NTF4: variants seen among roughly 807,000 people sequenced by gnomAD.
The protein encoded by NTF4 is neurotrophin 4, also known as neurotrophin-4.
A neutral mutation model predicts 4.4 loss-of-function variants in NTF4; 2 were observed. The ratio of observed to expected loss-of-function variants is 0.46; its 90% confidence interval spans 0.19 to 1.44. The LOEUF is 1.44. NTF4 is among the 40% of genes most tolerant of loss of function. The probability of loss-of-function intolerance (pLI) is 0.26; values close to 1 mark genes in which losing one functional copy is unlikely to be tolerated. For missense variants in NTF4, 260 were observed against 293.0 expected, an observed-to-expected ratio of 0.89 and a Z score of 0.82; for synonymous variants, 127 against 122.0, an observed-to-expected ratio of 1.04 and a Z score of -0.27.
downstream of NTF4, among the ~76,000 whole-genome samples, chr19:49,060,036 C>CAAAAACAAAAAAAAA (rs2040113801): frequency 7.0e-5 from 2 of 28,418 alleles, no homozygotes; most frequent in African/African-American, 3.4e-4. Context: ...GACTCCATCT[C>CAAAAACAAAAAAAAA]AAAAAAAAAA....
upstream of NTF4, chr19:49,062,063 G>C (rs2040158039): frequency 1.4e-6 from 2 of 1,422,568 alleles, no homozygotes; most frequent in Non-Finnish European, 9.2e-7. Flanking sequence ...AAACTTCAGT[G>C]GGGAAAGAAG....
chr19:49,060,735 G>A (rs2040121053), downstream of NTF4: 1 of 153,580 alleles, frequency 6.5e-6, no homozygotes, highest in Non-Finnish European at 1.4e-5. Flanking sequence ...CCCTGCCGAG[G>A]GCTGAACTCT....
chr19:49,061,092 T>C lies in NTF4; in HGVS notation c.*273A>G. 3.7e-6 allele frequency: 2 copies of C among 534,332 alleles called. No homozygotes were observed. Among genetic ancestry groups the C allele is most frequent in the South Asian group, 4.2e-5 (2 of 47,444 alleles). The allele number at this position is 534,332 out of a possible 1,614,324, so 33.1% of individuals were successfully genotyped here. A position where few individuals can be genotyped will look rare whatever the true frequency, so the allele number is the denominator to read the frequency against. Reference sequence around the variant, plus strand: ...CCATGAGAGTTGATCTGAGGAGTTATGTATTAGGGATAAGAAACAGTAAAC... The same window carrying C: ...CCATGAGAGTTGATCTGAGGAGTTACGTATTAGGGATAAGAAACAGTAAAC... On this transcript the variant is annotated 3_prime_UTR_variant, in exon 1 of 1. Coordinates refer to ENST00000593537, the Ensembl canonical transcript of NTF4. This position sits in a 1 kb window ranked among gnomAD's most constrained non-coding sequence, Gnocchi z 4.9.
At chr19:49,060,356 A>T (rs2040117559), downstream of NTF4, among the ~76,000 whole-genome samples, 2 of 151,674 alleles carry the variant, frequency 1.3e-5, no homozygotes, top group Admixed American at 6.6e-5. Context: ...TTTGAAATGG[A>T]GTTTCGCTCT....
At chr19:49,058,402 C>T, downstream of NTF4, 2 of 820,166 alleles carry the variant, frequency 2.4e-6, no homozygotes, top group Non-Finnish European at 3.7e-6. Context: ...CTATCACCCC[C>T]CACCCCAAAC....
chr19:49,059,961 C>T (rs112694812), downstream of NTF4, among the ~76,000 whole-genome samples: 604 of 139,570 alleles, frequency 4.3e-3, 6 homozygotes, highest in African/African-American at 0.016. Context: ...CACTTCAACC[C>T]GGGAGGTGAA....
chr19:49,059,980 T>C (rs766234105), downstream of NTF4, among the ~76,000 whole-genome samples: 1 of 125,222 alleles, frequency 8.0e-6, no homozygotes, highest in Non-Finnish European at 1.6e-5. Flanking sequence ...AAGGCTGCAG[T>C]GAGCTCAGAT....
chr19:49,061,600 C>A lies in NTF4; in HGVS notation c.398G>T (p.Arg133Leu), dbSNP rs977260366. 1.2e-6 allele frequency: 2 copies of A among 1,613,932 alleles called. No homozygotes were observed. The highest frequency in any genetic ancestry group is 1.1e-5 in the South Asian group (1 of 91,090). The change falls in exon 1 of 1, where the codon CGC becomes CTC. Residue 133 changes from arginine (R) to leucine (L), a missense_variant. Arg to Leu is a moderately radical substitution (Grantham distance 102). Coordinates refer to ENST00000593537, the Ensembl canonical transcript of NTF4. The surrounding 1 kb of genome is among the most constrained non-coding windows in gnomAD (Gnocchi z 4.9). Reference sequence around the variant, plus strand: ...GCAGCGGGTTTCAAAGAAGTACTGGCGGAGGGGACTGCCGCCAGCTGCAGG... The same window carrying A: ...GCAGCGGGTTTCAAAGAAGTACTGGAGGAGGGGACTGCCGCCAGCTGCAGG...
Position 49,061,818 on chromosome 19 carries a change from G to A in NTF4, c.180C>T (p.Phe60=). Reference sequence around the variant, plus strand: ...CCCGAAAGGCCCCAGCCTCCAGCAGGAAGAGCAGAGGGGGCCCAGCAGGGG... The same window carrying A: ...CCCGAAAGGCCCCAGCCTCCAGCAGAAAGAGCAGAGGGGGCCCAGCAGGGG... The change falls in exon 1 of 1, where the codon TTC becomes TTT. Residue 60 remains phenylalanine (F), a synonymous_variant. Transcript: ENST00000593537. The surrounding 1 kb of genome is among the most constrained non-coding windows in gnomAD (Gnocchi z 4.9). The A allele has an allele frequency of 6.4e-7, 1 of 1,552,160 alleles. No individual in the cohort carries two copies. Among genetic ancestry groups the A allele is most frequent in the Non-Finnish European group, 8.7e-7 (1 of 1,148,066 alleles).
chr19:49,061,976 A>C lies in NTF4; in HGVS notation c.22T>G (p.Ser8Ala). 1 of 1,484,064 alleles carries C rather than the reference A, an allele frequency of 6.7e-7. No homozygotes were observed. Among genetic ancestry groups the C allele is most frequent in the Non-Finnish European group, 9.0e-7 (1 of 1,107,476 alleles). 91.9% of individuals were successfully genotyped at this position (1,484,064 alleles called of 1,614,324 possible). A position where few individuals can be genotyped will look rare whatever the true frequency, so the allele number is the denominator to read the frequency against. ...AGGAAAAGGAGGAGGATGGGGAGGG[A>C]GCATGAGGGGAGAGGGAGCATCTCT... Residue 8 changes from serine to alanine, a missense_variant, in exon 1 of 1, where the codon TCC (serine) becomes GCC (alanine). By Grantham distance (99) the Ser-to-Ala change is moderately conservative (BLOSUM62 1). Coordinates refer to ENST00000593537, the Ensembl canonical transcript of NTF4. This position sits in a 1 kb window ranked among gnomAD's most constrained non-coding sequence, Gnocchi z 4.9.
chr19:49,061,593 G>T lies in NTF4; in HGVS notation c.405C>A (p.Tyr135Ter). 1 of 1,614,074 alleles carries T rather than the reference G, an allele frequency of 6.2e-7. No homozygotes were observed. Residue 135 changes from tyrosine (Y) to a stop codon, truncating the protein, a stop_gained, in exon 1 of 1, where the codon TAC becomes TAA. Transcript: ENST00000593537. LOFTEE classifies it low-confidence loss of function (END_TRUNC). This position sits in a 1 kb window ranked among gnomAD's most constrained non-coding sequence, Gnocchi z 4.9. ...CAGCCTTGCAGCGGGTTTCAAAGAA[G>T]TACTGGCGGAGGGGACTGCCGCCAG...
chr19:49,060,350 A>T (rs2040117408), downstream of NTF4, among the ~76,000 whole-genome samples: 1 of 151,946 alleles, frequency 6.6e-6, no homozygotes, highest in Non-Finnish European at 1.5e-5. Flanking sequence ...CTTTTTTTTG[A>T]AATGGAGTTT....
chr19:49,062,263 G>A (rs1252104676), upstream of NTF4, among the ~76,000 whole-genome samples: 2 of 152,046 alleles, frequency 1.3e-5, no homozygotes, highest in Non-Finnish European at 2.9e-5. Flanking sequence ...TGAGGCAGGT[G>A]GATGACTTGA....
chr19:49,062,825 C>G (rs1413903638), upstream of NTF4, among the ~76,000 whole-genome samples: 2 of 152,044 alleles, frequency 1.3e-5, no homozygotes, highest in Non-Finnish European at 2.9e-5. Context: ...AAAAATAATT[C>G]AACTACTATT....
Position 49,061,336 on chromosome 19 carries a change from C to T in NTF4, c.*29G>A, listed in dbSNP as rs2040130374. ...GCCATCCCTGAGGTCTCTCAGCATC[C>T]AGCTCTGTTATTTTCCTGGGCATGG... On this transcript the variant is annotated 3_prime_UTR_variant, in exon 1 of 1. Transcript: ENST00000593537. The surrounding 1 kb of genome is among the most constrained non-coding windows in gnomAD (Gnocchi z 4.9). 6.2e-7 allele frequency: 1 copy of T among 1,610,770 alleles called. No homozygotes were observed. Among genetic ancestry groups the T allele is most frequent in the Non-Finnish European group, 8.5e-7 (1 of 1,179,970 alleles).
At chr19:49,062,461 C>T (rs1383129392), upstream of NTF4, among the ~76,000 whole-genome samples, 1 of 152,106 alleles carries the variant, frequency 6.6e-6, no homozygotes, top group Admixed American at 6.5e-5. Context: ...CCCCTGCCAC[C>T]TGGGCGACAA....
chr19:49,062,444 C>G (rs1197454831), upstream of NTF4, among the ~76,000 whole-genome samples: 1 of 151,360 alleles, frequency 6.6e-6, no homozygotes, highest in African/African-American at 2.4e-5. Flanking sequence ...GCAGAGAGTG[C>G]ACCACTCCCC....
In NTF4 at chr19:49,061,170, G is replaced by T; in HGVS notation, c.*195C>A. 1 of 949,514 alleles carries T rather than the reference G, an allele frequency of 1.1e-6. No homozygotes were observed. Among genetic ancestry groups the T allele is most frequent in the Non-Finnish European group, 1.5e-6 (1 of 649,998 alleles). 58.8% of individuals were successfully genotyped at this position (949,514 alleles called of 1,614,324 possible). ...ATATCATCATCATTATTACCCTCAA[G>T]TTGCTCCAGGAGAACTCCTATTCAA... On this transcript the variant is annotated 3_prime_UTR_variant, in exon 1 of 1. Transcript: ENST00000593537. This position sits in a 1 kb window ranked among gnomAD's most constrained non-coding sequence, Gnocchi z 4.9.
Position 49,061,577 on chromosome 19 carries a change from A to G in NTF4, c.421T>C (p.Cys141Arg), listed in dbSNP as rs1400353124. The change falls in exon 1 of 1, where the codon TGC (cysteine) becomes CGC (arginine). Residue 141 changes from cysteine to arginine, a missense_variant. By Grantham distance (180) the Cys-to-Arg change is radical (BLOSUM62 -3). Transcript: ENST00000593537. The surrounding 1 kb of genome is among the most constrained non-coding windows in gnomAD (Gnocchi z 4.9). ...CCTTCCTCAGCGTTATCAGCCTTGC[A>G]GCGGGTTTCAAAGAAGTACTGGCGG... 6.2e-7 allele frequency: 1 copy of G among 1,613,990 alleles called. No homozygotes were observed. The highest frequency in any genetic ancestry group is 8.5e-7 in the Non-Finnish European group (1 of 1,180,030).
Sources: allele counts gnomAD v4.1 joint callset (sites outside exome capture counted in the v4.1 genomes callset), GRCh38; gene constraint gnomAD v4.1.1; non-coding constraint Gnocchi (gnomAD v3.1); transcripts MANE v1.5; gene names NCBI Gene and HGNC (gene_info 2026-07-23, HGNC 2026-07-21).